SGCZ: variants seen among roughly 807,000 people sequenced by gnomAD.
SGCZ encodes zeta-sarcoglycan.
A neutral mutation model predicts 41.3 loss-of-function variants in SGCZ; 40 were observed. The observed-to-expected ratio is 0.97, with a 90% confidence interval of 0.75 to 1.26. SGCZ has a LOEUF of 1.26. Ranked by LOEUF, SGCZ falls within the 50% of genes most tolerant of loss-of-function variation. SGCZ has a pLI of 0.00. For synonymous variants in SGCZ, 206 were observed against 137.5 expected (o/e 1.50, Z -3.49); for missense variants, 552 against 369.8 (o/e 1.49, Z -4.04).
intron 2 of SGCZ, among the ~76,000 whole-genome samples, chr8:14,429,438 G>A (rs1799881215): frequency 6.6e-6 from 1 of 152,134 alleles, no homozygotes; most frequent in Non-Finnish European, 1.5e-5. Context: ...ATAGGAGGAG[G>A]CCAGCAGCAA....
At chr8:14,665,845 G>A (rs1427043710) in intron 1 of SGCZ, among the ~76,000 whole-genome samples, 1 of 152,074 alleles carries the variant, frequency 6.6e-6, no homozygotes, top group Admixed American at 6.6e-5. Flanking sequence ...TTAAATACGA[G>A]AAATTCAAAA....
chr8:14,978,470 C>CAAAAAAAAAAAAAAAAAAAAA (rs59543494), intron 1 of SGCZ, among the ~76,000 whole-genome samples: 6 of 62,824 alleles, frequency 9.6e-5, no homozygotes, highest in African/African-American at 5.0e-4. Flanking sequence ...GACACCGTCA[C>CAAAAAAAAAAAAAAAAAAAAA]AAAAAAAAAA....
At position 14,546,534 on chromosome 8, in the gene SGCZ, C is replaced by T. The variant is rs546227450; in HGVS notation, c.234+8198G>A. Among the ~76,000 whole-genome samples the T allele has an allele frequency of 1.9e-4, 29 of 152,168 alleles. No homozygotes were observed. In the South Asian group the frequency reaches 4.6e-3, roughly 24 times the overall value. On this transcript the variant is annotated intron_variant, in intron 2 of 7. Transcript: ENST00000382080. ...ACTCTCCAGAAATTAAACCTATGCCCGCTCTGCTAAACTCATAAATGTAGT... is the reference window on the plus strand; with the variant it reads ...ACTCTCCAGAAATTAAACCTATGCCTGCTCTGCTAAACTCATAAATGTAGT...
At chr8:15,056,070 T>A (rs1198294057) in intron 1 of SGCZ, among the ~76,000 whole-genome samples, 1 of 152,216 alleles carries the variant, frequency 6.6e-6, no homozygotes, top group East Asian at 1.9e-4. Flanking sequence ...AGCAGTTTGC[T>A]GTCCCTGAAA....
chr8:15,052,121 C>T (rs1449902896), intron 1 of SGCZ, among the ~76,000 whole-genome samples: 2 of 152,086 alleles, frequency 1.3e-5, no homozygotes, highest in African/African-American at 2.4e-5. Flanking sequence ...TCCCAGGAGT[C>T]TATCAAGATT....
chr8:14,156,258 G>A (rs1021819149), intron 5 of SGCZ, among the ~76,000 whole-genome samples: 2 of 152,110 alleles, frequency 1.3e-5, no homozygotes, highest in Non-Finnish European at 2.9e-5. Context: ...AGGAGATGGA[G>A]ACCATCCTGG....
chr8:15,025,498 A>C (rs1803421810), intron 1 of SGCZ, among the ~76,000 whole-genome samples: 12 of 152,196 alleles, frequency 7.9e-5, no homozygotes, highest in Admixed American at 7.9e-4. Context: ...TAAAGGTGAT[A>C]AAAGAGAGTG....
intron 1 of SGCZ, among the ~76,000 whole-genome samples, chr8:14,719,136 G>T (rs1301147227): frequency 6.6e-6 from 1 of 150,984 alleles, no homozygotes; most frequent in East Asian, 2.0e-4. Flanking sequence ...AGTTTACTGA[G>T]AATGATGATT....
At chr8:15,047,973 C>T (rs1302783608) in intron 1 of SGCZ, among the ~76,000 whole-genome samples, 2 of 151,856 alleles carry the variant, frequency 1.3e-5, no homozygotes, top group African/African-American at 4.8e-5. Context: ...ATCCAGCAAC[C>T]CCACTACTGG....
intron 4 of SGCZ, among the ~76,000 whole-genome samples, chr8:14,232,597 ATTTT>A (rs1425166534): frequency 1.3e-5 from 2 of 151,786 alleles, no homozygotes; most frequent in South Asian, 4.1e-4. Flanking sequence ...TTTGTTTTTT[ATTTT>A]TTATTTTATT....
intron 1 of SGCZ, among the ~76,000 whole-genome samples, chr8:15,093,152 G>T (rs1806213052): frequency 6.6e-6 from 1 of 152,116 alleles, no homozygotes; most frequent in Non-Finnish European, 1.5e-5. Flanking sequence ...ACTTCTCTGT[G>T]ACTTGAAAAA....
At chr8:14,464,556 T>C (rs533083909) in intron 2 of SGCZ, among the ~76,000 whole-genome samples, 1 of 151,106 alleles carries the variant, frequency 6.6e-6, no homozygotes, top group African/African-American at 2.4e-5. Context: ...ACCTAATTTG[T>C]ATGTTGATTT....
chr8:14,426,802 A>C (rs1003481295), intron 2 of SGCZ, among the ~76,000 whole-genome samples: 1 of 152,194 alleles, frequency 6.6e-6, no homozygotes, highest in Non-Finnish European at 1.5e-5. Context: ...AAATGGCTTA[A>C]AGTGAGTTGC....
intron 1 of SGCZ, among the ~76,000 whole-genome samples, chr8:14,968,849 T>A (rs765182269): frequency 1.3e-5 from 2 of 152,148 alleles, no homozygotes; most frequent in Non-Finnish European, 2.9e-5. Context: ...CTTTTACATT[T>A]TATGAAGGTT....
At chr8:14,231,796 C>A (rs1347092195) in intron 4 of SGCZ, among the ~76,000 whole-genome samples, 1 of 152,022 alleles carries the variant, frequency 6.6e-6, no homozygotes, top group African/African-American at 2.4e-5. Flanking sequence ...GTGAGAAAAA[C>A]GTGTTTGTTT....
intron 2 of SGCZ, among the ~76,000 whole-genome samples, chr8:14,457,503 A>G (rs1302302792): frequency 6.6e-6 from 1 of 152,208 alleles, no homozygotes; most frequent in Non-Finnish European, 1.5e-5. Flanking sequence ...AGGGCCTGAC[A>G]TCAGTCAGGC....
At chr8:14,517,966 G>T (rs1392269940) in intron 2 of SGCZ, among the ~76,000 whole-genome samples, 1 of 151,324 alleles carries the variant, frequency 6.6e-6, no homozygotes, top group Non-Finnish European at 1.5e-5. Context: ...TGATTTATTT[G>T]TTGATTTAAC....
At chr8:14,680,875 A>G (rs542240808) in intron 1 of SGCZ, among the ~76,000 whole-genome samples, 1 of 151,262 alleles carries the variant, frequency 6.6e-6, no homozygotes, top group East Asian at 1.9e-4. Flanking sequence ...GATTAACAGC[A>G]CATTGGACAC....
intron 2 of SGCZ, among the ~76,000 whole-genome samples, chr8:14,475,148 G>A (rs1459706904): frequency 6.6e-6 from 1 of 152,050 alleles, no homozygotes; most frequent in African/African-American, 2.4e-5. Context: ...AAAGTTTAAT[G>A]TTTAATATCA....
Sources: gnomAD v4.1 joint callset for allele counts (sites outside exome capture counted in the v4.1 genomes callset) on GRCh38, gnomAD v4.1.1 for gene constraint, MANE v1.5 for transcripts, NCBI Gene and HGNC (gene_info 2026-07-23, HGNC 2026-07-21) for gene names.